XKR9: variants seen among roughly 807,000 people sequenced by gnomAD.
The protein encoded by XKR9 is XK-related protein 9.
A neutral mutation model predicts 32.0 loss-of-function variants in XKR9; 32 were observed. That is an observed-to-expected ratio of 1.00 (90% CI 0.76 to 1.34). The LOEUF is 1.34. Ranked by LOEUF, XKR9 falls within the 40% of genes most tolerant of loss-of-function variation. XKR9 has a pLI of 0.00. For missense variants in XKR9, 546 were observed against 429.7 expected (o/e 1.27, Z -2.39); for synonymous variants, 168 against 143.4 (o/e 1.17, Z -1.22).
chr8:70,746,455 C>T lies in XKR9; in HGVS notation n.352+39302C>T, dbSNP rs1398267500. Among the ~76,000 whole-genome samples the T allele has an allele frequency of 4.1e-5, 6 of 146,568 alleles. No individual in the cohort carries two copies. The East Asian group carries it at 9.8e-4, about 24-fold the overall frequency. On this transcript the variant is annotated intron_variant and non_coding_transcript_variant, in intron 2 of 3. Transcript: ENST00000520273. ...ATATAGAAATATATAATGTATAAAA[C>T]ATATAAAATATAATTATATATTATA...
the XKR9 span, among the ~76,000 whole-genome samples, chr8:70,854,319 T>C: frequency 6.6e-6 from 1 of 152,244 alleles, no homozygotes; most frequent in East Asian, 1.9e-4. Flanking sequence ...GCTGCATAAA[T>C]GTCTTCTTTG....
the XKR9 span, among the ~76,000 whole-genome samples, chr8:70,878,320 G>C: frequency 6.6e-6 from 1 of 152,158 alleles, no homozygotes; most frequent in Non-Finnish European, 1.5e-5. Context: ...AACCTTAAAT[G>C]TAAATGTGCT....
chr8:70,677,779 A>C (rs1421659302), intron 2 of XKR9, among the ~76,000 whole-genome samples: 1 of 152,204 alleles, frequency 6.6e-6, no homozygotes, highest in Non-Finnish European at 1.5e-5. Flanking sequence ...CTGTTTTCAC[A>C]GGGATTTGTG....
At chr8:70,725,143 G>A (rs1192892701) in intron 4 of XKR9, among the ~76,000 whole-genome samples, 1 of 152,080 alleles carries the variant, frequency 6.6e-6, no homozygotes, top group Non-Finnish European at 1.5e-5. Context: ...TAGCATGGGG[G>A]AAACTTCCCC....
the XKR9 span, among the ~76,000 whole-genome samples, chr8:70,804,368 T>C: frequency 2.6e-5 from 4 of 152,270 alleles, no homozygotes; most frequent in African/African-American, 9.6e-5. Context: ...CATTTATATC[T>C]ATGGTCTATT....
chr8:70,936,203 C>G, the XKR9 span, among the ~76,000 whole-genome samples: 1 of 151,974 alleles, frequency 6.6e-6, no homozygotes, highest in African/African-American at 2.4e-5. Flanking sequence ...CCTGTGTAAT[C>G]AGGGGAAATA....
At chr8:70,709,430 T>C (rs1291452825) in intron 4 of XKR9, among the ~76,000 whole-genome samples, 1 of 152,168 alleles carries the variant, frequency 6.6e-6, no homozygotes, top group African/African-American at 2.4e-5. Context: ...CTGCTCCACA[T>C]AGTGCTAGAA....
At chr8:70,700,162 G>A (rs1805465579) in intron 3 of XKR9, among the ~76,000 whole-genome samples, 1 of 152,168 alleles carries the variant, frequency 6.6e-6, no homozygotes, top group Admixed American at 6.5e-5. Context: ...TTGATCGTCT[G>A]AAGCCTTCTT....
chr8:70,837,542 G>C, the XKR9 span, among the ~76,000 whole-genome samples: 1 of 152,084 alleles, frequency 6.6e-6, no homozygotes, highest in Non-Finnish European at 1.5e-5. Flanking sequence ...TCTGGAGGCA[G>C]GTCAGTGAAC....
intron 3 of XKR9, among the ~76,000 whole-genome samples, chr8:70,703,293 CCTTAGT>C (rs888581570): frequency 1.3e-4 from 20 of 151,702 alleles, no homozygotes; most frequent in African/African-American, 4.6e-4. Context: ...TTCTCTTGAC[CCTTAGT>C]CTTAGTCTAG....
chr8:70,781,233 T>C (rs1262478880), intron 2 of XKR9, among the ~76,000 whole-genome samples: 4 of 152,154 alleles, frequency 2.6e-5, no homozygotes, highest in Admixed American at 6.6e-5. Flanking sequence ...TGGAAAAATA[T>C]CTATTAAAAT....
the XKR9 span, among the ~76,000 whole-genome samples, chr8:70,889,024 C>T: frequency 3.3e-5 from 5 of 151,708 alleles, no homozygotes; most frequent in Non-Finnish European, 4.4e-5. Context: ...GCATTGAAGC[C>T]GCAGATTGCT....
chr8:70,944,093 A>G, the XKR9 span, among the ~76,000 whole-genome samples: 3 of 152,136 alleles, frequency 2.0e-5, no homozygotes, highest in Non-Finnish European at 4.4e-5. Flanking sequence ...CCTCTTTTGC[A>G]TATGTTAAAC....
the XKR9 span, among the ~76,000 whole-genome samples, chr8:70,821,829 T>C: frequency 6.6e-6 from 1 of 152,138 alleles, no homozygotes; most frequent in Non-Finnish European, 1.5e-5. Context: ...AACCATTTTT[T>C]CCTCCTAGGC....
the XKR9 span, among the ~76,000 whole-genome samples, chr8:71,009,693 C>T: frequency 3.3e-5 from 5 of 152,162 alleles, no homozygotes; most frequent in African/African-American, 2.4e-5. Flanking sequence ...GTTCCTTTCA[C>T]TCTCATGGTG....
intron 3 of XKR9, among the ~76,000 whole-genome samples, chr8:70,691,487 G>C (rs1805069215): frequency 6.6e-6 from 1 of 152,074 alleles, no homozygotes; most frequent in Admixed American, 6.6e-5. Flanking sequence ...ATCTTTGCCT[G>C]TTCCTAGATC....
downstream of XKR9, among the ~76,000 whole-genome samples, chr8:70,740,795 A>T (rs1443323282): frequency 1.3e-5 from 2 of 152,226 alleles, no homozygotes; most frequent in East Asian, 3.9e-4. Context: ...TTCGTGAACC[A>T]CGAATGCTGC....
chr8:70,983,642 A>G, the XKR9 span, among the ~76,000 whole-genome samples: 1 of 152,076 alleles, frequency 6.6e-6, no homozygotes, highest in Admixed American at 6.5e-5. Flanking sequence ...TTAGCTGGGC[A>G]TGGTGGCAGG....
rs1819075641 is a variant in XKR9 at position 70,681,336 on chromosome 8, C to T, written c.272+6C>T. The T allele has an allele frequency of 8.1e-6, 13 of 1,606,958 alleles. No homozygotes were observed. The highest frequency in any genetic ancestry group is 1.1e-5 in the Non-Finnish European group (13 of 1,177,020). On this transcript the variant is annotated splice_donor_region_variant and intron_variant, in intron 3 of 4. Transcript: ENST00000408926. ...CAAGGAGGAGTTTTTACAAGGTGAG[C>T]ATACATGTTTAATCATTACCACTGT...
Sources: gnomAD v4.1 joint callset for allele counts (sites outside exome capture counted in the v4.1 genomes callset) on GRCh38, gnomAD v4.1.1 for gene constraint, MANE v1.5 for transcripts, NCBI Gene and HGNC (gene_info 2026-07-23, HGNC 2026-07-21) for gene names.